PDZD2: variants seen among roughly 807,000 people sequenced by gnomAD.
PDZD2 encodes PDZ domain containing 2.
PDZD2 carries 90 observed loss-of-function variants against 220.7 expected under a neutral mutation model. The observed-to-expected ratio is 0.41, with a 90% CI of 0.34 to 0.49. PDZD2 has a LOEUF of 0.49. PDZD2 is among the 20% of genes least tolerant of loss of function. The pLI is 0.28. For synonymous variants in PDZD2, 1,375 were observed against 1,450.5 expected (o/e 0.95, Z 1.18); for missense variants, 3,174 against 3,608.5 (o/e 0.88, Z 3.08).
At chr5:31,883,379 C>T (rs1449910859) in intron 2 of PDZD2, among the ~76,000 whole-genome samples, 1 of 151,400 alleles carries the variant, frequency 6.6e-6, no homozygotes, top group Non-Finnish European at 1.5e-5. Flanking sequence ...TACCACCAGG[C>T]CGGTTTAGTT....
chr5:31,960,279 C>T (rs576148643), intron 2 of PDZD2, among the ~76,000 whole-genome samples: 11 of 151,902 alleles, frequency 7.2e-5, no homozygotes, highest in African/African-American at 9.7e-5. Context: ...TGCCATGGCG[C>T]GATCTCGGCT....
intron 2 of PDZD2, chr5:31,840,526 A>T: frequency 1.7e-6 from 1 of 579,482 alleles, no homozygotes. Context: ...GGGTTCCAGC[A>T]GCTCAGGCTC....
At chr5:31,845,257 T>G (rs974946027) in intron 2 of PDZD2, among the ~76,000 whole-genome samples, 1 of 152,190 alleles carries the variant, frequency 6.6e-6, no homozygotes. Context: ...CAACAAGCCT[T>G]TAAGGTAGAC....
At chr5:31,898,030 C>T (rs895107096) in intron 2 of PDZD2, among the ~76,000 whole-genome samples, 1 of 152,106 alleles carries the variant, frequency 6.6e-6, no homozygotes, top group East Asian at 1.9e-4. Context: ...CATGAGCCAC[C>T]GCACCCAGCC....
intron 2 of PDZD2, among the ~76,000 whole-genome samples, chr5:31,841,390 C>T (rs7730629): frequency 0.032 from 4,867 of 152,234 alleles, 261 homozygotes; most frequent in African/African-American, 0.11. Flanking sequence ...AAGAACAATA[C>T]TCAGCCAGGC....
chr5:31,730,640 A>G (rs1749487071), intron 1 of PDZD2, among the ~76,000 whole-genome samples: 1 of 150,514 alleles, frequency 6.6e-6, no homozygotes, highest in Non-Finnish European at 1.5e-5. Context: ...AGAAATCTCT[A>G]CTAGGTGAAT....
chr5:31,715,508 T>C (rs1748394505), intron 1 of PDZD2, among the ~76,000 whole-genome samples: 2 of 152,244 alleles, frequency 1.3e-5, no homozygotes, highest in Admixed American at 1.3e-4. Flanking sequence ...TATGACATAC[T>C]AGAAGCTGGA....
chr5:31,640,365 C>T (rs1435992130), intron 1 of PDZD2, among the ~76,000 whole-genome samples: 1 of 152,204 alleles, frequency 6.6e-6, no homozygotes, highest in Non-Finnish European at 1.5e-5. Context: ...CAGACCTGCC[C>T]TGGGACTGGC....
intron 2 of PDZD2, among the ~76,000 whole-genome samples, chr5:31,852,820 C>T (rs1489842631): frequency 6.6e-6 from 1 of 152,184 alleles, no homozygotes; most frequent in East Asian, 1.9e-4. Flanking sequence ...TGGTCTCGAA[C>T]TCCTGACCAA....
At chr5:31,651,701 G>A (rs914905402) in intron 1 of PDZD2, among the ~76,000 whole-genome samples, 2 of 151,850 alleles carry the variant, frequency 1.3e-5, no homozygotes, top group African/African-American at 2.4e-5. Context: ...GCATGATCTC[G>A]GCTCACTGCA....
At chr5:31,922,122 T>C (rs1024420901) in intron 2 of PDZD2, among the ~76,000 whole-genome samples, 1 of 152,100 alleles carries the variant, frequency 6.6e-6, no homozygotes, top group African/African-American at 2.4e-5. Flanking sequence ...GGGAAACAAA[T>C]AACTGATTGT....
intron 2 of PDZD2, chr5:31,847,127 C>G (rs544065419): frequency 6.5e-6 from 1 of 154,042 alleles, no homozygotes; most frequent in Admixed American, 6.5e-5. Context: ...ATATGTGACC[C>G]ATCCATATGC....
At chr5:31,734,251 T>C (rs1749707757) in intron 1 of PDZD2, among the ~76,000 whole-genome samples, 1 of 152,074 alleles carries the variant, frequency 6.6e-6, no homozygotes, top group Non-Finnish European at 1.5e-5. Context: ...TGTTCCACTC[T>C]CCTAAAAAAA....
chr5:31,883,049 G>T (rs570319860), intron 2 of PDZD2, among the ~76,000 whole-genome samples: 1 of 94,458 alleles, frequency 1.1e-5, no homozygotes, highest in Admixed American at 1.0e-4. Context: ...AAAAAAAAAA[G>T]GCCCAGGGGG....
chr5:31,995,651 C>G lies in PDZD2; in HGVS notation c.1054C>G (p.Arg352Gly), dbSNP rs979054917. 6.2e-7 allele frequency: 1 copy of G among 1,613,868 alleles called. No homozygotes were observed. The highest frequency in any genetic ancestry group is 1.3e-5 in the African/African-American group (1 of 74,876). ...DGLGIQVSGG[R>G]GSKRSPHAIV... is the part of the protein sequence containing the mutation. ...GCTGGGAATTCAGGTTAGTGGAGGCCGAGGATCAAAGCGCTCACCTCACGC... is the reference window on the plus strand; with the variant it reads ...GCTGGGAATTCAGGTTAGTGGAGGCGGAGGATCAAAGCGCTCACCTCACGC... The change falls in exon 4 of 25, where the codon CGA (arginine) becomes GGA (glycine). Residue 352 changes from arginine (R) to glycine (G), a missense_variant. Physicochemically the swap from Arg to Gly is moderately radical, Grantham distance 125 (BLOSUM62 -2). Around this residue, in one of 4 missense-constraint regions of PDZD2, gnomAD observed 632 missense variants for 708.1 expected, o/e 0.89. Coordinates refer to ENST00000438447, the MANE Select transcript of PDZD2 (RefSeq NM_178140.4).
chr5:32,049,452 C>A (rs77308802), intron 8 of PDZD2, among the ~76,000 whole-genome samples: 6,904 of 152,220 alleles, frequency 0.045, 519 homozygotes, highest in African/African-American at 0.16. Context: ...CAGCAACGAC[C>A]TCCACACATG....
chr5:31,950,679 T>C (rs531729939), intron 2 of PDZD2, among the ~76,000 whole-genome samples: 1 of 152,326 alleles, frequency 6.6e-6, no homozygotes, highest in African/African-American at 2.4e-5. Context: ...AGTCTGTAAA[T>C]TGTGGCAAAC....
intron 1 of PDZD2, chr5:31,747,619 G>C (rs1169601688): frequency 6.6e-6 from 1 of 152,314 alleles, no homozygotes; most frequent in Non-Finnish European, 1.5e-5. Flanking sequence ...TTCACAGTAA[G>C]AGTTCCATGG....
At chr5:31,855,553 A>AG (rs1053946415) in intron 2 of PDZD2, among the ~76,000 whole-genome samples, 10 of 152,310 alleles carry the variant, frequency 6.6e-5, no homozygotes, top group Admixed American at 6.5e-4. Context: ...AAGCCCCGGT[A>AG]GGGGCGGGGG....
Sources: allele counts gnomAD v4.1 joint callset (sites outside exome capture counted in the v4.1 genomes callset), GRCh38; gene constraint gnomAD v4.1.1; regional missense constraint gnomAD v4.1.1; transcripts MANE v1.5; gene names NCBI Gene and HGNC (gene_info 2026-07-23, HGNC 2026-07-21).